The following TESK2 variants were observed in gnomAD, a reference collection of about 807,000 sequenced individuals.
TESK2 encodes the protein dual specificity testis-specific protein kinase 2.
Under a neutral mutation model 57.1 loss-of-function variants are expected in TESK2, and 39 were observed. The ratio of observed to expected loss-of-function variants is 0.68; its 90% confidence interval spans 0.53 to 0.89. The LOEUF is 0.89. Ranked by LOEUF, TESK2 falls within the 40% of genes least tolerant of loss-of-function variation. The probability of loss-of-function intolerance (pLI) is 0.00; values close to 1 mark genes in which losing one functional copy is unlikely to be tolerated. For synonymous variants in TESK2, 249 were observed against 267.9 expected, an observed-to-expected ratio of 0.93 and a Z score of 0.69; for missense variants, 646 against 732.1, an observed-to-expected ratio of 0.88 and a Z score of 1.36.
chr1:45,436,708 G>A (rs1389084683), intron 2 of TESK2, among the ~76,000 whole-genome samples: 1 of 149,838 alleles, frequency 6.7e-6, no homozygotes, highest in African/African-American at 2.5e-5. Flanking sequence ...GGCTGGTCTC[G>A]AACTCCTGAC....
At chr1:45,421,979 A>G in intron 2 of TESK2, 133 bp from the exon 3 acceptor site, 1 of 880,880 alleles carries the variant, frequency 1.1e-6, no homozygotes, top group Non-Finnish European at 1.7e-6. Flanking sequence ...ATTACATTAA[A>G]GTATCACTTC....
chr1:45,486,304 A>C (rs1024844823), intron 1 of TESK2, among the ~76,000 whole-genome samples: 1 of 152,202 alleles, frequency 6.6e-6, no homozygotes, highest in Non-Finnish European at 1.5e-5. Context: ...CCAACACTAC[A>C]TTCTTTTTGC....
chr1:45,443,336 A>G (rs1213205597), intron 2 of TESK2, among the ~76,000 whole-genome samples: 3 of 152,050 alleles, frequency 2.0e-5, no homozygotes, highest in African/African-American at 7.2e-5. Context: ...AGACCAAGGC[A>G]GGAGGATCGC....
At chr1:45,484,220 T>G (rs771092609) in intron 1 of TESK2, among the ~76,000 whole-genome samples, 3 of 148,828 alleles carry the variant, frequency 2.0e-5, no homozygotes, top group African/African-American at 4.9e-5. Flanking sequence ...GTGATTCTCC[T>G]ACCTCGGCCT....
At chr1:45,348,658 A>G (rs574910085) in intron 5 of TESK2, among the ~76,000 whole-genome samples, 3 of 152,278 alleles carry the variant, frequency 2.0e-5, no homozygotes, top group African/African-American at 7.2e-5. Flanking sequence ...CTTTGCTTAC[A>G]TTGTTCCCTT....
chr1:45,417,949 AC>A (rs1385551432), intron 3 of TESK2, among the ~76,000 whole-genome samples: 5 of 152,192 alleles, frequency 3.3e-5, no homozygotes, highest in Non-Finnish European at 5.9e-5. Flanking sequence ...TTATTATATA[AC>A]AAGTATATCT....
At chr1:45,420,830 C>T (rs893984821) in intron 3 of TESK2, among the ~76,000 whole-genome samples, 1 of 152,038 alleles carries the variant, frequency 6.6e-6, no homozygotes, top group Non-Finnish European at 1.5e-5. Flanking sequence ...CCTCATGATC[C>T]GCCTGCCTCG....
At chr1:45,448,237 C>CAAAAAAA (rs762537140) in intron 2 of TESK2, among the ~76,000 whole-genome samples, 10 of 83,944 alleles carry the variant, frequency 1.2e-4, no homozygotes, top group Admixed American at 3.0e-4. Context: ...GACCCTGTCT[C>CAAAAAAA]AAAAAAAAAA....
intron 7 of TESK2, 38 bp from the exon 8 acceptor site, chr1:45,347,100 G>C: frequency 6.3e-7 from 1 of 1,588,572 alleles, no homozygotes; most frequent in Non-Finnish European, 8.6e-7. Flanking sequence ...CTCTTAATGG[G>C]TTGAGGGGTA....
At chr1:45,448,168 T>G (rs1220412815) in intron 2 of TESK2, among the ~76,000 whole-genome samples, 2 of 147,036 alleles carry the variant, frequency 1.4e-5, no homozygotes, top group Non-Finnish European at 3.0e-5. Context: ...AGCTTGGTAA[T>G]TCAAGGCTTC....
chr1:45,426,627 G>A (rs1650702243), intron 2 of TESK2, among the ~76,000 whole-genome samples: 1 of 152,108 alleles, frequency 6.6e-6, no homozygotes, highest in Non-Finnish European at 1.5e-5. Context: ...AAAAGCTTCT[G>A]CACAGCAAAT....
chr1:45,352,348 C>G (rs905133989), intron 5 of TESK2, among the ~76,000 whole-genome samples: 1 of 152,218 alleles, frequency 6.6e-6, no homozygotes, highest in South Asian at 2.1e-4. Flanking sequence ...TCAGTTGACA[C>G]TGGGAATACC....
chr1:45,348,021 G>A (rs760167835), intron 5 of TESK2, 21 bp from the exon 6 acceptor site: 2 of 1,537,810 alleles, frequency 1.3e-6, no homozygotes, highest in African/African-American at 2.7e-5. Flanking sequence ...CAGGAAGGAA[G>A]AGAAAATAAT....
At chr1:45,490,310 C>A (rs112553766) in intron 1 of TESK2, among the ~76,000 whole-genome samples, 1 of 152,136 alleles carries the variant, frequency 6.6e-6, no homozygotes, top group African/African-American at 2.4e-5. Flanking sequence ...TTAGTCCACT[C>A]TTCACAGCGA....
intron 1 of TESK2, among the ~76,000 whole-genome samples, chr1:45,485,708 A>G (rs12082256): frequency 0.74 from 111,098 of 150,556 alleles, 41,416 homozygotes; most frequent in East Asian, 0.94. Flanking sequence ...TTAGTAGAGA[A>G]GGGGGTTTCA....
chr1:45,369,007 G>A (rs956402009), intron 4 of TESK2, among the ~76,000 whole-genome samples: 3 of 151,746 alleles, frequency 2.0e-5, no homozygotes, highest in Admixed American at 1.3e-4. Context: ...CACCTGCCTC[G>A]GCCTCCCAAA....
intron 1 of TESK2, among the ~76,000 whole-genome samples, chr1:45,471,805 T>G (rs1652774243): frequency 6.7e-6 from 1 of 150,102 alleles, no homozygotes; most frequent in South Asian, 2.1e-4. Flanking sequence ...TTTTTAGAGA[T>G]GGGGGTCTCA....
At position 45,433,069 on chromosome 1, in the gene TESK2, T is replaced by C. The variant is rs1315908276; in HGVS notation, c.223-11223A>G. 2.1e-3 allele frequency among the ~76,000 whole-genome samples: 59 copies of C among 28,322 alleles called. 2 individuals carry two copies. The highest frequency in any genetic ancestry group is 3.1e-3 in the Non-Finnish European group (44 of 14,160). The allele number at this position is 28,322 out of a possible 152,430, so 18.6% of individuals were successfully genotyped here. A position where few individuals can be genotyped will look rare whatever the true frequency, so the allele number is the denominator to read the frequency against. ...ATGAGCCACCGCGCCCAGCCGCTTT[T>C]TTTTTTTTTTTTTTTTTTTTTTTTG... On this transcript the variant is annotated intron_variant, in intron 2 of 10. Coordinates refer to ENST00000372086, the MANE Select transcript of TESK2 (RefSeq NM_007170.3).
chr1:45,487,257 A>T (rs1653526717), intron 1 of TESK2, among the ~76,000 whole-genome samples: 1 of 152,194 alleles, frequency 6.6e-6, no homozygotes, highest in South Asian at 2.1e-4. Flanking sequence ...CCAGGGCATC[A>T]AGTATCTGAG....
Sources: gnomAD v4.1 joint callset for allele counts (sites outside exome capture counted in the v4.1 genomes callset) on GRCh38, gnomAD v4.1.1 for gene constraint, MANE v1.5 for transcripts, NCBI Gene and HGNC (gene_info 2026-07-23, HGNC 2026-07-21) for gene names.